WIPF2: variants seen among roughly 807,000 people sequenced by gnomAD.
WIPF2 encodes WAS/WASL interacting protein family member 2.
WIPF2 carries 23 observed loss-of-function variants against 38.8 expected under a neutral mutation model. The ratio of observed to expected loss-of-function variants is 0.59; its 90% CI spans 0.43 to 0.84. The LOEUF (loss-of-function observed/expected upper bound fraction) is 0.84, where lower values mean the gene tolerates loss of function less well. WIPF2 is among the 40% of genes least tolerant of loss of function. The probability of loss-of-function intolerance (pLI) is 0.00; values close to 1 mark genes in which losing one functional copy is unlikely to be tolerated. For missense variants in WIPF2, 574 were observed against 580.5 expected (o/e 0.99, Z 0.11); for synonymous variants, 210 against 223.2 (o/e 0.94, Z 0.53).
chr17:40,239,463 A>C (rs2145314620), intron 1 of WIPF2, among the ~76,000 whole-genome samples: 1 of 152,190 alleles, frequency 6.6e-6, no homozygotes, highest in Admixed American at 6.6e-5. Flanking sequence ...GCACCCTGGC[A>C]GGCTGGTAAA....
At chr17:40,260,726 T>A (rs752653482) in intron 3 of WIPF2, 59 bp downstream of exon 3, 9 of 1,611,318 alleles carry the variant, frequency 5.6e-6, no homozygotes, top group Non-Finnish European at 6.8e-6. Context: ...ACTTGGAGAC[T>A]TGGCTGGGTT....
intron 2 of WIPF2, 70 bp downstream of exon 2, chr17:40,256,592 T>A: frequency 6.6e-7 from 1 of 1,516,858 alleles, no homozygotes; most frequent in Non-Finnish European, 8.8e-7. Context: ...CACATACTTT[T>A]TTTTTCTTTT....
intron 1 of WIPF2, among the ~76,000 whole-genome samples, chr17:40,233,132 A>T (rs1433325722): frequency 6.6e-6 from 1 of 152,154 alleles, no homozygotes. Context: ...TTGAGTCAAG[A>T]TACTGATTCT....
chr17:40,228,657 C>T (rs188446350), intron 1 of WIPF2, among the ~76,000 whole-genome samples: 1 of 151,572 alleles, frequency 6.6e-6, no homozygotes, highest in Non-Finnish European at 1.5e-5. Flanking sequence ...GAGACAGAGT[C>T]TCTCTCTGTC....
intron 1 of WIPF2, among the ~76,000 whole-genome samples, chr17:40,222,600 T>TGTGTCTGC (rs2030291438): frequency 2.0e-5 from 3 of 149,854 alleles, no homozygotes; most frequent in South Asian, 2.1e-4. Flanking sequence ...TGTGTGTGTG[T>TGTGTCTGC]GTGTGTCTGC....
At chr17:40,234,409 G>T (rs1353860265) in intron 1 of WIPF2, among the ~76,000 whole-genome samples, 2 of 152,044 alleles carry the variant, frequency 1.3e-5, no homozygotes, top group Non-Finnish European at 2.9e-5. Context: ...CTCAAGCCTG[G>T]TGACAGAGTG....
chr17:40,260,528 C>T lies in WIPF2; in HGVS notation c.64-7C>T, dbSNP rs374606736. The stretch of plus-strand genomic sequence containing the variant: ...TAGGGTGAACTTATATTTCTCTTAT[C>T]CTCCAGGCAAACACAGAGCAGCCCA... On this transcript the variant is annotated splice_polypyrimidine_tract_variant and splice_region_variant and intron_variant, in intron 2 of 7. Coordinates refer to ENST00000323571, the MANE Select transcript of WIPF2 (RefSeq NM_133264.5). The T allele has an allele frequency of 1.9e-5, 30 of 1,613,398 alleles. No individual in the cohort carries two copies. In the African/African-American group the frequency reaches 2.4e-4, roughly 13 times the overall value.
chr17:40,267,017 G>T (rs1227271072), intron 5 of WIPF2, among the ~76,000 whole-genome samples: 3 of 152,108 alleles, frequency 2.0e-5, no homozygotes, highest in African/African-American at 7.2e-5. Context: ...TGTGATTGAG[G>T]CGAGGGAAGG....
At chr17:40,241,128 A>G (rs537014013) in intron 1 of WIPF2, among the ~76,000 whole-genome samples, 6 of 152,276 alleles carry the variant, frequency 3.9e-5, no homozygotes, top group Non-Finnish European at 1.5e-5. Context: ...CCTTTAGCAT[A>G]GTGTTTTCTA....
At chr17:40,275,257 A>C (rs1048139396) in intron 6 of WIPF2, among the ~76,000 whole-genome samples, 43 of 151,724 alleles carry the variant, frequency 2.8e-4, no homozygotes, top group Admixed American at 8.6e-4. Flanking sequence ...AAAAAAAAAA[A>C]AAAACAAAAC....
rs537890881 is a variant in WIPF2 at position 40,275,964 on chromosome 17, T to C, written c.1181-1119T>C. On this transcript the variant is annotated intron_variant, in intron 6 of 7. Transcript: ENST00000323571. ...TGCCAGGGTTTTTGCTTTAAAGATA[T>C]ATCCTTATTGTAGAAACCTTTGGGA... 4.6e-5 allele frequency among the ~76,000 whole-genome samples: 7 copies of C among 152,348 alleles called. 1 individual carries two copies. The highest frequency in any genetic ancestry group is 4.1e-4 in the South Asian group (2 of 4,834).
At position 40,282,753 on chromosome 17, in the gene WIPF2, A is replaced by G. The variant is rs1285033439; in HGVS notation, c.*4528A>G. 6.6e-6 allele frequency: 1 copy of G among 152,216 alleles called. No individual in the cohort carries two copies. Among genetic ancestry groups the G allele is most frequent in the Admixed American group, 6.5e-5 (1 of 15,278 alleles). The allele number at this position is 152,216 out of a possible 1,614,324, so 9.4% of individuals were successfully genotyped here. A position where few individuals can be genotyped will look rare whatever the true frequency, so the allele number is the denominator to read the frequency against. Reference sequence around the variant, plus strand: ...CAGGTGGTGGCACAGAGAGGGGAGAAAACCTTTGCCTCATAATTTGGGTAA... The same window carrying G: ...CAGGTGGTGGCACAGAGAGGGGAGAGAACCTTTGCCTCATAATTTGGGTAA... On this transcript the variant is annotated 3_prime_UTR_variant, in exon 8 of 8. Transcript: ENST00000323571.
intron 4 of WIPF2, among the ~76,000 whole-genome samples, chr17:40,263,722 T>C (rs2031987887): frequency 6.6e-6 from 1 of 151,636 alleles, no homozygotes; most frequent in Admixed American, 6.6e-5. Flanking sequence ...TTTGTAGTTT[T>C]AGTAGAGACG....
At chr17:40,274,176 A>T (rs1208766848) in intron 6 of WIPF2, among the ~76,000 whole-genome samples, 177 bp downstream of exon 6, 1 of 152,110 alleles carries the variant, frequency 6.6e-6, no homozygotes, top group Non-Finnish European at 1.5e-5. Context: ...TGACTTCCTT[A>T]TCTTGATATG....
In WIPF2 at chr17:40,264,835, G is replaced by C; in HGVS notation, c.659G>C (p.Gly220Ala). Residue 220 changes from glycine (G) to alanine (A), a missense_variant, in exon 5 of 8, where the codon GGT becomes GCT. Physicochemically the swap from Gly to Ala is moderately conservative, Grantham distance 60. Transcript: ENST00000323571. ...PPTPGQRLHPGREGPPAPPPV... is the reference protein window; with the variant it reads ...PPTPGQRLHPAREGPPAPPPV... ...ACGCCTGGACAAAGGCTTCACCCTG[G>C]TCGAGAGGGACCTCCTGCTCCACCC... 3.7e-6 allele frequency: 6 copies of C among 1,614,030 alleles called. No homozygotes were observed. The highest frequency in any genetic ancestry group is 5.1e-6 in the Non-Finnish European group (6 of 1,179,988).
intron 2 of WIPF2, among the ~76,000 whole-genome samples, chr17:40,260,212 C>G: frequency 7.9e-6 from 1 of 125,918 alleles, no homozygotes; most frequent in Non-Finnish European, 1.6e-5. Context: ...TTTGCAGGCA[C>G]ATTCTCGCCC....
intron 1 of WIPF2, among the ~76,000 whole-genome samples, chr17:40,240,227 T>C (rs1402755166): frequency 6.6e-6 from 1 of 151,974 alleles, no homozygotes; most frequent in African/African-American, 2.4e-5. Context: ...CACAATCGGC[T>C]AATTTTTTTG....
chr17:40,277,438 T>C (rs1367663293), intron 7 of WIPF2, among the ~76,000 whole-genome samples: 1 of 152,056 alleles, frequency 6.6e-6, no homozygotes, highest in East Asian at 1.9e-4. Flanking sequence ...TCCCAGCATT[T>C]TGGGAGGCTG....
At chr17:40,231,999 A>G (rs2030763673) in intron 1 of WIPF2, among the ~76,000 whole-genome samples, 1 of 145,538 alleles carries the variant, frequency 6.9e-6, no homozygotes, top group African/African-American at 2.5e-5. Context: ...AAAGAGAGTT[A>G]AGGTAATTGA....
Sources: gnomAD v4.1 joint callset for allele counts (sites outside exome capture counted in the v4.1 genomes callset) on GRCh38, gnomAD v4.1.1 for gene constraint, MANE v1.5 for transcripts, NCBI Gene and HGNC (gene_info 2026-07-23, HGNC 2026-07-21) for gene names.